MYO9A: variants seen among roughly 807,000 people sequenced by gnomAD.
MYO9A encodes the protein unconventional myosin-IXa.
MYO9A carries 103 observed loss-of-function variants against 293.3 expected under a neutral mutation model. That is an observed-to-expected ratio of 0.35 (90% CI 0.30 to 0.41). The LOEUF (loss-of-function observed/expected upper bound fraction) is 0.41. Among genes scored for constraint, MYO9A ranks in the 10% least tolerant of loss-of-function variants. The pLI is 1.00. For synonymous variants in MYO9A, 1,001 were observed against 1,035.7 expected (o/e 0.97, Z 0.64); for missense variants, 2,685 against 3,033.0 (o/e 0.89, Z 2.69).
At chr15:71,901,633 G>A (rs1392575759) in intron 22 of MYO9A, among the ~76,000 whole-genome samples, 6 of 151,178 alleles carry the variant, frequency 4.0e-5, no homozygotes, top group East Asian at 1.9e-4. Context: ...CCAGTTCTAC[G>A]GCAAAATAGA....
At chr15:71,915,359 A>T (rs2057978771) in intron 19 of MYO9A, among the ~76,000 whole-genome samples, 1 of 151,692 alleles carries the variant, frequency 6.6e-6, no homozygotes, top group Non-Finnish European at 1.5e-5. Context: ...ATTATACTCA[A>T]TTCCCTTTCC....
intron 39 of MYO9A, among the ~76,000 whole-genome samples, chr15:71,832,384 A>C (rs1388269925): frequency 6.6e-6 from 1 of 152,176 alleles, no homozygotes; most frequent in Non-Finnish European, 1.5e-5. Context: ...GAAAGAAATA[A>C]AAAGAAGTCT....
intron 10 of MYO9A, chr15:71,993,553 GTAAA>G (rs1256708388): frequency 2.6e-5 from 4 of 152,176 alleles, no homozygotes; most frequent in African/African-American, 9.7e-5. Flanking sequence ...ATTAGGAGAT[GTAAA>G]TCCTGATAAC....
Position 71,830,310 on chromosome 15 carries a change from C to T in MYO9A, c.6839G>A (p.Gly2280Glu), listed in dbSNP as rs1306487884. 5 of 1,612,950 alleles carry T rather than the reference C, an allele frequency of 3.1e-6. No homozygotes were observed. Among genetic ancestry groups the T allele is most frequent in the Non-Finnish European group, 4.2e-6 (5 of 1,179,842 alleles). ...GTTTCCTCGACGAATACGCCCCTTTCCCTGCAGAGAAAAATTCATGTTAGA... is the reference window on the plus strand; with the variant it reads ...GTTTCCTCGACGAATACGCCCCTTTTCCTGCAGAGAAAAATTCATGTTAGA... ...TRLSLIRRSM[G>E]KGRIRRGNYP... is the part of the protein sequence containing the mutation. The change falls in exon 40 of 42, where the codon GGA (glycine) becomes GAA (glutamate). Residue 2280 changes from glycine to glutamate, a missense_variant and splice_region_variant. Physicochemically the swap from Gly to Glu is moderately conservative, Grantham distance 98 (BLOSUM62 -2). Around this residue, in one of 10 missense-constraint regions of MYO9A, gnomAD observed 350 missense variants for 328.9 expected, o/e 1.06. Transcript: ENST00000356056.
rs74311155 is a variant in MYO9A, at chr15:71,918,495, C to CA, written c.2563-2004dup. Among the ~76,000 whole-genome samples, 347 of 149,912 alleles carry CA rather than the reference C, an allele frequency of 2.3e-3. 11 individuals are homozygous for CA. The East Asian group carries it at 0.06, about 26-fold the overall frequency. ...GAAAATATTTGTAAGCACTATTGAT[C>CA]AAAAAAAAAGCCATGTAAAACAACA... is the stretch of plus-strand genomic sequence containing the variant. On this transcript the variant is annotated intron_variant, in intron 18 of 41. Coordinates refer to ENST00000356056, the MANE Select transcript of MYO9A (RefSeq NM_006901.4).
intron 38 of MYO9A, 76 bp downstream of exon 38, chr15:71,849,960 G>C: frequency 9.5e-7 from 1 of 1,056,600 alleles, no homozygotes; most frequent in East Asian, 4.1e-5. Flanking sequence ...CATTCACTAT[G>C]TTTGATATCT....
rs181959539 is a variant in MYO9A at position 71,883,979 on chromosome 15, C to T, written c.5256-243G>A. 6.2e-3 allele frequency among the ~76,000 whole-genome samples: 948 copies of T among 151,772 alleles called. 46 individuals are homozygous for T. The highest frequency in any genetic ancestry group is 0.055 in the Admixed American group (841 of 15,222). ...TTCAGATGAGGAAACATCTTGAATACAGAAATAACAAAACCCAGAGAAGTT... is the reference window on the plus strand; with the variant it reads ...TTCAGATGAGGAAACATCTTGAATATAGAAATAACAAAACCCAGAGAAGTT... On this transcript the variant is annotated intron_variant, in intron 27 of 41. Transcript: ENST00000356056.
At chr15:71,948,707 C>T (rs973824578) in intron 15 of MYO9A, among the ~76,000 whole-genome samples, 9 of 152,136 alleles carry the variant, frequency 5.9e-5, no homozygotes, top group African/African-American at 2.2e-4. Flanking sequence ...TGAAGAATTT[C>T]TATTATCATT....
In MYO9A at chr15:71,951,813, A is replaced by G. The variant is rs1228965375; in HGVS notation, c.2266T>C (p.Leu756=). 1 of 1,613,630 alleles carries G rather than the reference A, an allele frequency of 6.2e-7. No individual in the cohort carries two copies. The highest frequency in any genetic ancestry group is 1.3e-5 in the African/African-American group (1 of 74,846). The change falls in exon 15 of 42, where the codon TTA becomes CTA. Residue 756 remains leucine (L), a synonymous_variant. Transcript: ENST00000356056. ...FLQHPVHQRS[L]EILQRCKEEK... Reference sequence around the variant, plus strand: ...TCCTTGCATCTCTGCAGAATCTCTAAGCTCCTCTGGTGGACTGGGTGTTGG... The same window carrying G: ...TCCTTGCATCTCTGCAGAATCTCTAGGCTCCTCTGGTGGACTGGGTGTTGG...
intron 33 of MYO9A, among the ~76,000 whole-genome samples, chr15:71,860,470 A>AG (rs1220996367): frequency 1.3e-5 from 2 of 152,170 alleles, no homozygotes; most frequent in Non-Finnish European, 2.9e-5. Context: ...ATTTAGAGGA[A>AG]GGTATTGAGA....
chr15:71,952,182 A>G (rs1044261534), intron 14 of MYO9A, among the ~76,000 whole-genome samples: 5 of 151,920 alleles, frequency 3.3e-5, no homozygotes, highest in African/African-American at 1.2e-4. Context: ...ACAAGCAAAA[A>G]TTCAAAAGCA....
chr15:71,936,555 T>C (rs912884347), intron 16 of MYO9A, among the ~76,000 whole-genome samples: 2 of 152,154 alleles, frequency 1.3e-5, no homozygotes, highest in African/African-American at 4.8e-5. Context: ...AATTTGATCA[T>C]TACACAATGT....
At chr15:71,894,633 A>G (rs960246723) in intron 25 of MYO9A, among the ~76,000 whole-genome samples, 2 of 152,174 alleles carry the variant, frequency 1.3e-5, no homozygotes, top group African/African-American at 4.8e-5. Context: ...CCTAAAATCA[A>G]CACTGGCAGG....
intron 18 of MYO9A, among the ~76,000 whole-genome samples, chr15:71,924,303 G>A (rs759800336): frequency 5.7e-4 from 87 of 152,058 alleles, no homozygotes; most frequent in Non-Finnish European, 9.3e-4. Context: ...GCCCAGTGGC[G>A]TGATCTCGGC....
intron 1 of MYO9A, among the ~76,000 whole-genome samples, chr15:72,106,371 A>G (rs1321689268): frequency 6.6e-6 from 1 of 152,152 alleles, no homozygotes; most frequent in Non-Finnish European, 1.5e-5. Flanking sequence ...ACGCACCTAT[A>G]GTATTAGCTA....
intron 15 of MYO9A, among the ~76,000 whole-genome samples, chr15:71,943,711 A>C (rs1200052995): frequency 6.6e-6 from 1 of 152,110 alleles, no homozygotes; most frequent in Non-Finnish European, 1.5e-5. Context: ...CTTATGGGTA[A>C]AGACAATCAC....
intron 27 of MYO9A, among the ~76,000 whole-genome samples, chr15:71,884,319 G>T (rs1042132910): frequency 2.0e-5 from 3 of 152,118 alleles, no homozygotes; most frequent in Admixed American, 1.3e-4. Context: ...CATAATAAAA[G>T]CTTTAATGTC....
intron 17 of MYO9A, chr15:71,935,098 T>TACTC (rs1326185116): frequency 5.3e-6 from 2 of 374,998 alleles, no homozygotes; most frequent in Non-Finnish European, 9.6e-6. Context: ...ATAACAAATA[T>TACTC]ACTCAGTCAT....
intron 39 of MYO9A, among the ~76,000 whole-genome samples, chr15:71,848,524 T>G (rs959631487): frequency 6.6e-6 from 1 of 151,496 alleles, no homozygotes; most frequent in African/African-American, 2.4e-5. Context: ...TGGAAGGAAG[T>G]GGAGAAAAAA....
Sources: allele counts gnomAD v4.1 joint callset (sites outside exome capture counted in the v4.1 genomes callset), GRCh38; gene constraint gnomAD v4.1.1; regional missense constraint gnomAD v4.1.1; transcripts MANE v1.5; gene names NCBI Gene and HGNC (gene_info 2026-07-23, HGNC 2026-07-21).